Variants in ZNF440 observed in about 807,000 individuals in gnomAD.
The protein encoded by ZNF440 is zinc finger protein 440.
ZNF440 carries 47 observed loss-of-function variants against 49.7 expected under a neutral mutation model. That is an observed-to-expected ratio of 0.95 (90% CI 0.75 to 1.21). The LOEUF (loss-of-function observed/expected upper bound fraction) is 1.21, where lower values mean the gene tolerates loss of function less well. ZNF440 is among the 50% of genes most tolerant of loss of function. The pLI is 0.00. For missense variants in ZNF440, 703 were observed against 715.0 expected (o/e 0.98, Z 0.19); for synonymous variants, 255 against 237.7 (o/e 1.07, Z -0.67).
chr19:11,823,633 C>T (rs1284514966), intron 1 of ZNF440, among the ~76,000 whole-genome samples: 1 of 151,824 alleles, frequency 6.6e-6, no homozygotes, highest in Non-Finnish European at 1.5e-5. Context: ...TTATATCCTT[C>T]CTGAGACTTT....
At chr19:11,829,755 C>A (rs1306435605) in intron 1 of ZNF440, among the ~76,000 whole-genome samples, 1 of 152,066 alleles carries the variant, frequency 6.6e-6, no homozygotes, top group African/African-American at 2.4e-5. Context: ...ATTGCATGAA[C>A]CCAGGAGTAA....
Position 11,834,188 on chromosome 19 carries a change from A to G in ZNF440, c.*1224A>G. ...GTCACCCAGGCTGGAGTGCAGTGGC[A>G]TGATCTCAGGTCACTGCAACCTCTG... On this transcript the variant is annotated 3_prime_UTR_variant, in exon 4 of 4. Coordinates refer to ENST00000304060, the MANE Select transcript of ZNF440 (RefSeq NM_152357.3). The G allele has an allele frequency of 1.1e-5, 3 of 283,474 alleles. No homozygotes were observed. The highest frequency in any genetic ancestry group is 2.0e-5 in the Non-Finnish European group (3 of 148,642). 17.6% of individuals were successfully genotyped at this position (283,474 alleles called of 1,614,324 possible). A position where few individuals can be genotyped will look rare whatever the true frequency, so the allele number is the denominator to read the frequency against.
chr19:11,819,403 T>TTTG (rs1975771969), intron 1 of ZNF440, among the ~76,000 whole-genome samples: 1 of 145,738 alleles, frequency 6.9e-6, no homozygotes, highest in African/African-American at 2.7e-5. Context: ...TTGTTTGTTT[T>TTTG]TTTGATTTTT....
intron 1 of ZNF440, among the ~76,000 whole-genome samples, chr19:11,824,159 G>A (rs1218644021): frequency 1.4e-5 from 2 of 145,614 alleles, no homozygotes; most frequent in Non-Finnish European, 3.0e-5. Context: ...CTCCAGCCTG[G>A]GCAACAGAAT....
Position 11,832,640 on chromosome 19 carries a change from C to T in ZNF440, c.1464C>T (p.Cys488=), listed in dbSNP as rs375263172. 1.2e-6 allele frequency: 2 copies of T among 1,612,614 alleles called. No homozygotes were observed. Among genetic ancestry groups the T allele is most frequent in the Non-Finnish European group, 1.7e-6 (2 of 1,179,656 alleles). The change falls in exon 4 of 4, where the codon TGC becomes TGT. Residue 488 remains cysteine, a synonymous_variant. Coordinates refer to ENST00000304060, the MANE Select transcript of ZNF440 (RefSeq NM_152357.3). The stretch of plus-strand genomic sequence containing the variant: ...ACACTGGAGAGAAACTCTATGAATG[C>T]AAGCAACGTTCAGTAGTTCCTTCAG... ...KTHTGEKLYE[C]KQRSVVPSVV...
At chr19:11,826,706 C>T (rs193110707) in intron 1 of ZNF440, among the ~76,000 whole-genome samples, 335 of 150,624 alleles carry the variant, frequency 2.2e-3, no homozygotes, top group Non-Finnish European at 4.3e-3. Context: ...TCTTGTTGCC[C>T]GGACCGGAGT....
In ZNF440 at chr19:11,831,365, C is replaced by G. The variant is rs1293871572; in HGVS notation, c.192-3C>G. 1 of 1,599,032 alleles carries G rather than the reference C, an allele frequency of 6.3e-7. No homozygotes were observed. The highest frequency in any genetic ancestry group is 8.5e-7 in the Non-Finnish European group (1 of 1,176,578). On this transcript the variant is annotated splice_polypyrimidine_tract_variant and splice_region_variant and intron_variant, in intron 3 of 3. Coordinates refer to ENST00000304060, the MANE Select transcript of ZNF440 (RefSeq NM_152357.3). ...TTCATAATATGCTTCTCATTTTTGA[C>G]AGGAGTCTCATAGAAGAAAAAGTCA... is the stretch of plus-strand genomic sequence containing the variant.
In ZNF440 at chr19:11,832,838, G is replaced by A. The variant is rs373507879; in HGVS notation, c.1662G>A (p.Leu554=). Residue 554 remains leucine (L), a synonymous_variant, in exon 4 of 4, where the codon CTG becomes CTA. Coordinates refer to ENST00000304060, the MANE Select transcript of ZNF440 (RefSeq NM_152357.3). The part of the protein sequence containing the change: ...SVSNDGKPSD[L]PHTFEYVVGH... ...GCAATGACGGAAAGCCTTCAGATCTGCCCCACACCTTTGAATACGTGGTAG... is the reference window on the plus strand; with the variant it reads ...GCAATGACGGAAAGCCTTCAGATCTACCCCACACCTTTGAATACGTGGTAG... 4.1e-5 allele frequency: 66 copies of A among 1,613,848 alleles called. No individual in the cohort carries two copies. Among genetic ancestry groups the A allele is most frequent in the Non-Finnish European group, 5.2e-5 (61 of 1,180,000 alleles).
intron 1 of ZNF440, among the ~76,000 whole-genome samples, chr19:11,818,314 A>T (rs978281964): frequency 6.6e-6 from 1 of 152,150 alleles, no homozygotes; most frequent in African/African-American, 2.4e-5. Flanking sequence ...GAGTGTAAGG[A>T]TACTTGCAGG....
chr19:11,833,379 C>A lies in ZNF440; in HGVS notation c.*415C>A, dbSNP rs187351202. 6.8e-4 allele frequency: 277 copies of A among 410,184 alleles called. 2 individuals carry two copies. The highest frequency in any genetic ancestry group is 3.4e-3 in the African/African-American group (161 of 47,462). The allele number at this position is 410,184 out of a possible 1,614,324, so 25.4% of individuals were successfully genotyped here. ...TCTGCCAAGATCCTTTGAATACATG[C>A]AAGAACACACAATGGAGAGAAACCC... is the stretch of plus-strand genomic sequence containing the variant. On this transcript the variant is annotated 3_prime_UTR_variant, in exon 4 of 4. Transcript: ENST00000304060.
chr19:11,829,657 G>C (rs758240687), intron 1 of ZNF440, among the ~76,000 whole-genome samples: 1 of 152,092 alleles, frequency 6.6e-6, no homozygotes, highest in Non-Finnish European at 1.5e-5. Flanking sequence ...CCCTTGTTCA[G>C]TTCTAGCATC....
In ZNF440 at chr19:11,833,799, A is replaced by G; in HGVS notation, c.*835A>G. ...AGCCTCGCACCTTCAAATGCATGGA[A>G]GGACTCACACTGGAGAAAAACCCTA... On this transcript the variant is annotated 3_prime_UTR_variant, in exon 4 of 4. Coordinates refer to ENST00000304060, the MANE Select transcript of ZNF440 (RefSeq NM_152357.3). The G allele has an allele frequency of 3.6e-6, 3 of 826,652 alleles. No homozygotes were observed. Among genetic ancestry groups the G allele is most frequent in the Non-Finnish European group, 5.4e-6 (3 of 560,174 alleles). 51.2% of individuals were successfully genotyped at this position (826,652 alleles called of 1,614,324 possible).
chr19:11,821,373 A>G (rs571698245), intron 1 of ZNF440, among the ~76,000 whole-genome samples: 1 of 152,248 alleles, frequency 6.6e-6, no homozygotes, highest in East Asian at 1.9e-4. Flanking sequence ...CAACCCCTCG[A>G]GATGCTCAGC....
At chr19:11,822,113 C>T (rs887520306) in intron 1 of ZNF440, among the ~76,000 whole-genome samples, 5 of 152,152 alleles carry the variant, frequency 3.3e-5, no homozygotes, top group Non-Finnish European at 5.9e-5. Flanking sequence ...TGTGAAGTCG[C>T]ACTGTGATTA....
chr19:11,823,808 C>G (rs1216810553), intron 1 of ZNF440, among the ~76,000 whole-genome samples: 1 of 151,778 alleles, frequency 6.6e-6, no homozygotes, highest in African/African-American at 2.4e-5. Context: ...ACTAAAAATA[C>G]AAAATTAGCC....
At position 11,832,308 on chromosome 19, in the gene ZNF440, C is replaced by T; in HGVS notation, c.1132C>T (p.Pro378Ser). The T allele has an allele frequency of 6.2e-7, 1 of 1,613,930 alleles. No individual in the cohort carries two copies. Among genetic ancestry groups the T allele is most frequent in the South Asian group, 1.1e-5 (1 of 91,062 alleles). ...YKCKQCGKAFPHSSSLRYHER... is the reference protein window; with the variant it reads ...YKCKQCGKAFSHSSSLRYHER... ...ATGTAAGCAGTGTGGTAAAGCCTTC[C>T]CTCATTCCAGTTCCCTTCGATATCA... The change falls in exon 4 of 4, where the codon CCT (proline) becomes TCT (serine). Residue 378 changes from proline (P) to serine (S), a missense_variant. By Grantham distance (74) the Pro-to-Ser change is moderately conservative. Transcript: ENST00000304060.
chr19:11,830,100 A>T (rs1161860340), intron 1 of ZNF440, 183 bp from the exon 2 acceptor site: 2 of 1,313,498 alleles, frequency 1.5e-6, no homozygotes, highest in African/African-American at 1.5e-5. Context: ...ACAAGAGTGA[A>T]AAAAAAAACA....
rs1191643735 is a variant in ZNF440 at position 11,832,346 on chromosome 19, C to T, written c.1170C>T (p.His390=). 1 of 1,614,178 alleles carries T rather than the reference C, an allele frequency of 6.2e-7. No individual in the cohort carries two copies. The highest frequency in any genetic ancestry group is 1.1e-5 in the South Asian group (1 of 91,076). The change falls in exon 4 of 4, where the codon CAC becomes CAT. Residue 390 remains histidine, a synonymous_variant. Coordinates refer to ENST00000304060, the MANE Select transcript of ZNF440 (RefSeq NM_152357.3). ...SSSLRYHERT[H]TGEKPYECKQ... is the part of the protein sequence containing the mutation. ...CCCTTCGATATCATGAAAGGACTCA[C>T]ACTGGAGAGAAACCCTATGAGTGTA...
intron 1 of ZNF440, chr19:11,827,535 G>A (rs1326116251): frequency 6.6e-6 from 1 of 152,144 alleles, no homozygotes; most frequent in Non-Finnish European, 1.5e-5. Context: ...TGTTTTGAAT[G>A]AAGTCCAATT....
Sources: allele counts gnomAD v4.1 joint callset (sites outside exome capture counted in the v4.1 genomes callset), GRCh38; gene constraint gnomAD v4.1.1; transcripts MANE v1.5; gene names NCBI Gene and HGNC (gene_info 2026-07-23, HGNC 2026-07-21).